Variants in MID2 observed in about 807,000 individuals in gnomAD.
MID2 encodes the protein midline 2.
MID2 carries 13 observed loss-of-function variants against 46.1 expected under a neutral mutation model. That is an observed-to-expected ratio of 0.28 (90% CI 0.18 to 0.45). The LOEUF is 0.45. Among genes scored for constraint, MID2 ranks in the 20% least tolerant of loss-of-function variants. The probability of loss-of-function intolerance (pLI) is 1.00; values close to 1 mark genes in which losing one functional copy is unlikely to be tolerated. For synonymous variants in MID2, 199 were observed against 212.3 expected (o/e 0.94, Z 0.55); for missense variants, 431 against 575.4 (o/e 0.75, Z 2.57).
chrX:107,892,074 T>G (rs1477619275), intron 3 of MID2, among the ~76,000 whole-genome samples: 1 of 112,214 alleles, frequency 8.9e-6, no homozygotes, highest in Non-Finnish European at 1.9e-5. Context: ...TCTGTATATA[T>G]ACAGGGAGTA....
chrX:107,881,127 T>G (rs942986690), intron 3 of MID2, among the ~76,000 whole-genome samples: 1 of 112,788 alleles, frequency 8.9e-6, no homozygotes, highest in African/African-American at 3.2e-5. Context: ...GATTTTCCTT[T>G]ACCATGCTGT....
intron 3 of MID2, among the ~76,000 whole-genome samples, chrX:107,886,438 T>C (rs886699557): frequency 5.4e-5 from 6 of 112,110 alleles, no homozygotes; most frequent in African/African-American, 9.7e-5. Context: ...GTTGTAGATA[T>C]GCGGCATTAT....
intron 2 of MID2, among the ~76,000 whole-genome samples, chrX:107,845,525 ACTCTCTCT>A (rs766707051): frequency 4.5e-4 from 33 of 72,979 alleles, no homozygotes; most frequent in African/African-American, 2.4e-3. Flanking sequence ...ACACACACAC[ACTCTCTCT>A]CTCTCTCTCT....
intron 3 of MID2, among the ~76,000 whole-genome samples, chrX:107,890,921 C>T (rs767320995): frequency 2.7e-5 from 3 of 110,342 alleles, no homozygotes; most frequent in Non-Finnish European, 3.8e-5. Context: ...CTGAGCCAGG[C>T]GCAGGATATA....
chrX:107,858,732 A>G (rs746737899), intron 3 of MID2, among the ~76,000 whole-genome samples: 1 of 112,297 alleles, frequency 8.9e-6, no homozygotes, highest in Non-Finnish European at 1.9e-5. Flanking sequence ...AATTTTACTT[A>G]TTTAGTCTTG....
chrX:107,889,819 T>C (rs1259557622), intron 3 of MID2, among the ~76,000 whole-genome samples: 1 of 111,803 alleles, frequency 8.9e-6, no homozygotes, highest in Non-Finnish European at 1.9e-5. Context: ...GTTCATTTCT[T>C]TTTTTTCTTT....
intron 3 of MID2, among the ~76,000 whole-genome samples, chrX:107,889,839 ACTTCT>A (rs1163234279): frequency 9.1e-6 from 1 of 109,798 alleles, no homozygotes; most frequent in African/African-American, 3.3e-5. Context: ...TTTTCTCTAA[ACTTCT>A]CTTCTCACTT....
intron 3 of MID2, among the ~76,000 whole-genome samples, chrX:107,860,176 AG>A (rs1292000243): frequency 9.0e-6 from 1 of 111,341 alleles, no homozygotes; most frequent in South Asian, 3.8e-4. Context: ...TTAGGGAAGA[AG>A]GGATACATTC....
Position 107,841,349 on chromosome X carries a change from G to A in MID2, c.684G>A (p.Gln228=). The change falls in exon 2 of 10, where the codon CAG becomes CAA. Residue 228 remains glutamine (Q), a synonymous_variant. Coordinates refer to ENST00000262843, the MANE Select transcript of MID2 (RefSeq NM_012216.4). ...TGGTGGGTCGTCACCGAGACCATCA[G>A]GTCGCATCCCTGAATGATCGATTTG... ...CKLVGRHRDH[Q]VASLNDRFEK... 8.3e-7 allele frequency: 1 copy of A among 1,204,918 alleles called. No homozygotes were observed. The highest frequency in any genetic ancestry group is 1.1e-6 in the Non-Finnish European group (1 of 891,253).
chrX:107,894,039 C>T (rs1285548403), intron 3 of MID2, among the ~76,000 whole-genome samples: 3 of 112,144 alleles, frequency 2.7e-5, no homozygotes, highest in East Asian at 5.6e-4. Context: ...AGCCATCACC[C>T]ATGCTCTAAG....
rs1310459945 is a variant in MID2 at position 107,928,242 on chromosome X, C to T, written c.*1169C>T. Among the ~76,000 whole-genome samples the T allele has an allele frequency of 2.7e-5, 3 of 111,605 alleles. No homozygotes were observed. Among genetic ancestry groups the T allele is most frequent in the African/African-American group, 9.7e-5 (3 of 30,778 alleles). Reference sequence around the variant, plus strand: ...ACACTTCTGAAGTGCTCAAGAATGTCTGAAAACAGTTTGTTTTCTTAAATA... The same window carrying T: ...ACACTTCTGAAGTGCTCAAGAATGTTTGAAAACAGTTTGTTTTCTTAAATA... On this transcript the variant is annotated 3_prime_UTR_variant, in exon 10 of 10. Coordinates refer to ENST00000262843, the MANE Select transcript of MID2 (RefSeq NM_012216.4).
rs187024460 is a variant in MID2, at chrX:107,900,197, A to C, written c.817-3761A>C. On this transcript the variant is annotated intron_variant, in intron 3 of 9. Transcript: ENST00000262843. ...ATGTGACTGTCCAAAAAACATTCCCACCCTAGCTCCCTCATTTCACCTTAT... is the reference window on the plus strand; with the variant it reads ...ATGTGACTGTCCAAAAAACATTCCCCCCCTAGCTCCCTCATTTCACCTTAT... Among the ~76,000 whole-genome samples, 297 of 111,097 alleles carry C rather than the reference A, an allele frequency of 2.7e-3. 1 individual carries two copies. The highest frequency in any genetic ancestry group is 4.7e-3 in the Non-Finnish European group (248 of 52,860).
chrX:107,836,491 T>A (rs1251181768), intron 1 of MID2, among the ~76,000 whole-genome samples: 1 of 111,363 alleles, frequency 9.0e-6, no homozygotes, highest in Non-Finnish European at 1.9e-5. Flanking sequence ...GACCTTGTGA[T>A]CCGCCTGCCT....
At chrX:107,889,810 T>C (rs1185926584) in intron 3 of MID2, among the ~76,000 whole-genome samples, 4 of 111,882 alleles carry the variant, frequency 3.6e-5, no homozygotes, top group Non-Finnish European at 3.8e-5. Context: ...GGAGGCTTCG[T>C]TCATTTCTTT....
intron 2 of MID2, among the ~76,000 whole-genome samples, chrX:107,854,134 T>G (rs1931691451): frequency 8.9e-6 from 1 of 111,859 alleles, no homozygotes; most frequent in Non-Finnish European, 1.9e-5. Context: ...TACATCTGGA[T>G]AAGTCCATCA....
At chrX:107,889,552 T>C (rs1164061135) in intron 3 of MID2, among the ~76,000 whole-genome samples, 2 of 111,503 alleles carry the variant, frequency 1.8e-5, no homozygotes, top group Non-Finnish European at 3.8e-5. Context: ...GCCCTTAACA[T>C]TTTTTCCTTC....
intron 1 of MID2, among the ~76,000 whole-genome samples, chrX:107,836,756 G>A (rs992941952): frequency 4.5e-5 from 5 of 111,063 alleles, no homozygotes; most frequent in African/African-American, 9.8e-5. Flanking sequence ...GATTGAACAC[G>A]TCTGAAGAAG....
chrX:107,851,657 A>G (rs1931618313), intron 2 of MID2, among the ~76,000 whole-genome samples: 8 of 109,514 alleles, frequency 7.3e-5, no homozygotes. Flanking sequence ...AGTGCAAACA[A>G]CAACAACAAC....
chrX:107,910,907 G>T (rs1285061134), intron 5 of MID2, among the ~76,000 whole-genome samples: 1 of 87,647 alleles, frequency 1.1e-5, no homozygotes, highest in African/African-American at 4.2e-5. Context: ...AGGCTGGAGT[G>T]CAGTGGCACG....
Sources: gnomAD v4.1 joint callset for allele counts (sites outside exome capture counted in the v4.1 genomes callset) on GRCh38, gnomAD v4.1.1 for gene constraint, MANE v1.5 for transcripts, NCBI Gene and HGNC (gene_info 2026-07-23, HGNC 2026-07-21) for gene names.